SHISA6: variants seen among roughly 807,000 people sequenced by gnomAD.
SHISA6 encodes shisa family member 6.
SHISA6 carries 22 observed loss-of-function variants against 47.9 expected under a neutral mutation model. The observed-to-expected ratio is 0.46, with a 90% CI of 0.33 to 0.66. The LOEUF is 0.66. Ranked by LOEUF, SHISA6 falls within the 30% of genes least tolerant of loss-of-function variation. The pLI is 0.02. For synonymous variants in SHISA6, 388 were observed against 337.8 expected (o/e 1.15, Z -1.63); for missense variants, 680 against 764.6 (o/e 0.89, Z 1.30).
At chr17:11,412,146 T>C (rs1914140132) in intron 3 of SHISA6, among the ~76,000 whole-genome samples, 2 of 152,220 alleles carry the variant, frequency 1.3e-5, no homozygotes, top group South Asian at 4.1e-4. Context: ...TCCTTTCCAC[T>C]TTACTGGCTT....
rs145328237 is a variant in SHISA6, at chr17:11,550,327, T to C, written c.896-1569T>C. Among the ~76,000 whole-genome samples, 179 of 152,246 alleles carry C rather than the reference T, an allele frequency of 1.2e-3. 1 individual carries two copies. The highest frequency in any genetic ancestry group is 1.2e-3 in the Non-Finnish European group (85 of 68,010). On this transcript the variant is annotated intron_variant, in intron 3 of 5. Coordinates refer to ENST00000441885, the MANE Select transcript of SHISA6 (RefSeq NM_207386.4). ...GCCTTGGCCTCTCAAAGTGCTGGGATTACAGGTGTGAGCCACTGCGCCCGG... is the reference window on the plus strand; with the variant it reads ...GCCTTGGCCTCTCAAAGTGCTGGGACTACAGGTGTGAGCCACTGCGCCCGG...
intron 3 of SHISA6, among the ~76,000 whole-genome samples, chr17:11,505,633 A>G (rs2071492586): frequency 6.6e-6 from 1 of 152,258 alleles, no homozygotes; most frequent in Admixed American, 6.5e-5. Flanking sequence ...AGAGCAGTGG[A>G]ATGAACAAAG....
chr17:11,432,246 G>C (rs1291781392), intron 3 of SHISA6, among the ~76,000 whole-genome samples: 1 of 152,202 alleles, frequency 6.6e-6, no homozygotes, highest in Non-Finnish European at 1.5e-5. Context: ...GATGGGTTCT[G>C]CTGTTGGCCA....
intron 4 of SHISA6, among the ~76,000 whole-genome samples, chr17:11,552,563 A>G (rs183315773): frequency 9.2e-5 from 14 of 152,372 alleles, no homozygotes; most frequent in African/African-American, 3.1e-4. Context: ...TTGATAGAAC[A>G]TAAGACAGCC....
chr17:11,349,619 G>T (rs140685229), intron 2 of SHISA6, among the ~76,000 whole-genome samples: 102 of 152,298 alleles, frequency 6.7e-4, no homozygotes, highest in African/African-American at 2.4e-3. Context: ...GGGGATGGGG[G>T]ACGCGTGAAT....
intron 3 of SHISA6, among the ~76,000 whole-genome samples, chr17:11,469,879 T>G (rs1044520911): frequency 7.2e-5 from 11 of 152,198 alleles, no homozygotes; most frequent in African/African-American, 2.7e-4. Context: ...AGCCCTTACC[T>G]TCAATGTAAT....
chr17:11,464,352 C>T (rs1203701249), intron 3 of SHISA6, among the ~76,000 whole-genome samples: 1 of 152,184 alleles, frequency 6.6e-6, no homozygotes, highest in Non-Finnish European at 1.5e-5. Flanking sequence ...GGTCCCAGTC[C>T]ATCACCCAAC....
chr17:11,555,970 A>G (rs1008381289), intron 5 of SHISA6, 78 bp downstream of exon 5: 3 of 1,420,616 alleles, frequency 2.1e-6, no homozygotes, highest in Non-Finnish European at 2.8e-6. Context: ...CTCTTGCTCC[A>G]TACCCCATAG....
chr17:11,433,803 C>T (rs549605770), intron 3 of SHISA6, among the ~76,000 whole-genome samples: 13 of 152,168 alleles, frequency 8.5e-5, no homozygotes, highest in Middle Eastern at 3.4e-3. Context: ...ATCCTTGTTC[C>T]GCTGTTTGCT....
chr17:11,258,529 T>G (rs967731911), intron 1 of SHISA6, among the ~76,000 whole-genome samples: 1 of 152,140 alleles, frequency 6.6e-6, no homozygotes, highest in Admixed American at 6.5e-5. Flanking sequence ...ATAATCCAAG[T>G]TTTCATTTTG....
At chr17:11,463,084 A>T (rs191142849) in intron 3 of SHISA6, among the ~76,000 whole-genome samples, 53 of 152,350 alleles carry the variant, frequency 3.5e-4, no homozygotes, top group African/African-American at 1.1e-3. Flanking sequence ...ACATTTTCAA[A>T]GGATTATCCA....
intron 3 of SHISA6, among the ~76,000 whole-genome samples, chr17:11,469,313 T>C (rs1482128096): frequency 1.3e-5 from 2 of 152,068 alleles, no homozygotes; most frequent in Non-Finnish European, 2.9e-5. Context: ...AATTGGAAGA[T>C]GCCTGAAGAT....
intron 2 of SHISA6, among the ~76,000 whole-genome samples, chr17:11,371,144 A>G (rs1279622006): frequency 6.6e-6 from 1 of 152,108 alleles, no homozygotes; most frequent in Non-Finnish European, 1.5e-5. Flanking sequence ...TGTCAGTGCA[A>G]TCTCCAGTTA....
intron 3 of SHISA6, among the ~76,000 whole-genome samples, chr17:11,388,824 ATATATATATATATATAT>A (rs1567592140): frequency 1.9e-5 from 2 of 104,562 alleles, no homozygotes; most frequent in African/African-American, 8.2e-5. Flanking sequence ...ATATATATAT[ATATATATATATATATAT>A]TTTAAAAAAG....
intron 3 of SHISA6, among the ~76,000 whole-genome samples, chr17:11,497,181 G>A (rs2071416272): frequency 6.6e-6 from 1 of 152,154 alleles, no homozygotes; most frequent in Non-Finnish European, 1.5e-5. Context: ...CAGTGTCATG[G>A]GCCAAATAAA....
rs536866578 is a variant in SHISA6 at position 11,387,962 on chromosome 17, CAT to C, written c.895+8454_895+8455del. On this transcript the variant is annotated intron_variant, in intron 3 of 5. Coordinates refer to ENST00000441885, the MANE Select transcript of SHISA6 (RefSeq NM_207386.4). The stretch of plus-strand genomic sequence containing the variant: ...TTTGTCTGGGTGCTGCTCATGGCCT[CAT>C]GTGATACAAGATTTGAAATTAGGCC... Among the ~76,000 whole-genome samples, 43 of 152,248 alleles carry C rather than the reference CAT, an allele frequency of 2.8e-4. 2 individuals are homozygous for C. In the South Asian group the frequency reaches 8.5e-3, roughly 30 times the overall value.
intron 3 of SHISA6, among the ~76,000 whole-genome samples, chr17:11,431,680 C>T (rs1914780370): frequency 6.6e-6 from 1 of 152,168 alleles, no homozygotes; most frequent in Admixed American, 6.5e-5. Context: ...AAGAGCTATC[C>T]GTTCCCTGTT....
intron 3 of SHISA6, among the ~76,000 whole-genome samples, chr17:11,532,441 T>C (rs925477753): frequency 6.6e-6 from 1 of 152,140 alleles, no homozygotes; most frequent in Non-Finnish European, 1.5e-5. Context: ...TCTCTCAGAG[T>C]GTCCAACCAA....
At chr17:11,551,007 C>T (rs1293070480) in intron 3 of SHISA6, among the ~76,000 whole-genome samples, 1 of 152,208 alleles carries the variant, frequency 6.6e-6, no homozygotes, top group African/African-American at 2.4e-5. Flanking sequence ...TTCTAGACTG[C>T]AAGAAGGACA....
Sources: gnomAD v4.1 joint callset for allele counts (sites outside exome capture counted in the v4.1 genomes callset) on GRCh38, gnomAD v4.1.1 for gene constraint, MANE v1.5 for transcripts, NCBI Gene and HGNC (gene_info 2026-07-23, HGNC 2026-07-21) for gene names.